ZNF518A: variants seen among roughly 807,000 people sequenced by gnomAD.
ZNF518A encodes the protein zinc finger protein 518.
A neutral mutation model predicts 102.7 loss-of-function variants in ZNF518A; 47 were observed. The observed-to-expected ratio is 0.46, with a 90% CI of 0.36 to 0.58. The LOEUF (loss-of-function observed/expected upper bound fraction) is 0.58, where lower values mean the gene tolerates loss of function less well. Among genes scored for constraint, ZNF518A ranks in the 20% least tolerant of loss-of-function variants. The pLI, the probability that ZNF518A is intolerant of heterozygous loss-of-function variation, is 0.00. For synonymous variants in ZNF518A, 652 were observed against 594.6 expected (o/e 1.10, Z -1.40); for missense variants, 1,793 against 1,699.8 (o/e 1.05, Z -0.96).
Position 96,169,857 on chromosome 10 carries a change from G to A in ZNF518A, n.35+13810G>A, listed in dbSNP as rs1307828916. Among the ~76,000 whole-genome samples, 9 of 152,272 alleles carry A rather than the reference G, an allele frequency of 5.9e-5. No homozygotes were observed. In the East Asian group the frequency reaches 1.7e-3, roughly 29 times the overall value. On this transcript the variant is annotated intron_variant and non_coding_transcript_variant, in intron 1 of 2. Transcript: ENST00000442635. Reference sequence around the variant, plus strand: ...GTACTTGTTGTCTAGTGACTTTTCTGAACTGATTTTGTAATGCTTGTATTC... The same window carrying A: ...GTACTTGTTGTCTAGTGACTTTTCTAAACTGATTTTGTAATGCTTGTATTC...
rs2083304164 is a variant in ZNF518A at position 96,190,036 on chromosome 10, G to A, written n.36-13538G>A. On this transcript the variant is annotated intron_variant and non_coding_transcript_variant, in intron 1 of 2. Transcript: ENST00000442635. ...ACTGCCTTCATAATTCATTGCCTCT[G>A]CTTCAACAATGTGCAGTTCATCCTT... 36 of 808,738 alleles carry A rather than the reference G, an allele frequency of 4.5e-5. No homozygotes were observed. In the South Asian group the frequency reaches 4.8e-4, roughly 11 times the overall value. 50.1% of individuals were successfully genotyped at this position (808,738 alleles called of 1,614,324 possible). A position where few individuals can be genotyped will look rare whatever the true frequency, so the allele number is the denominator to read the frequency against.
At chr10:96,142,064 A>G (rs1190156252) in intron 3 of ZNF518A, among the ~76,000 whole-genome samples, 2 of 152,114 alleles carry the variant, frequency 1.3e-5, no homozygotes, top group Non-Finnish European at 2.9e-5. Context: ...TCTATGCTTA[A>G]GTTGTTCATT....
chr10:96,192,527 C>G (rs79350973), intron 1 of ZNF518A, among the ~76,000 whole-genome samples: 1 of 152,082 alleles, frequency 6.6e-6, no homozygotes, highest in African/African-American at 2.4e-5. Context: ...AAATAGTCAT[C>G]TCCTAAACAA....
At chr10:96,203,795 A>G (rs199750156) in intron 2 of ZNF518A, 1 of 291,098 alleles carries the variant, frequency 3.4e-6, no homozygotes. Flanking sequence ...AAAAAAAAAA[A>G]GTTAAAAAAG....
intron 1 of ZNF518A, among the ~76,000 whole-genome samples, chr10:96,190,598 T>C (rs781976715): frequency 1.3e-5 from 2 of 152,260 alleles, no homozygotes; most frequent in Non-Finnish European, 2.9e-5. Flanking sequence ...CAATTATCTT[T>C]AGAAGTGAGT....
In ZNF518A at chr10:96,200,044, T is replaced by C. The variant is rs1554895708; in HGVS notation, n.36-3530T>C. 1 of 1,340,564 alleles carries C rather than the reference T, an allele frequency of 7.5e-7. No individual in the cohort carries two copies. The highest frequency in any genetic ancestry group is 2.1e-5 in the South Asian group (1 of 46,846). 83.0% of individuals were successfully genotyped at this position (1,340,564 alleles called of 1,614,324 possible). A position where few individuals can be genotyped will look rare whatever the true frequency, so the allele number is the denominator to read the frequency against. On this transcript the variant is annotated intron_variant and non_coding_transcript_variant, in intron 1 of 2. Coordinates refer to the ZNF518A transcript ENST00000442635. The surrounding 1 kb of genome is among the most constrained non-coding windows in gnomAD (Gnocchi z 4.3). Reference sequence around the variant, plus strand: ...AACAAATAAATAAAATAAAATAAAATAAAAATAATAAATAATAAAAATGAT... The same window carrying C: ...AACAAATAAATAAAATAAAATAAAACAAAAATAATAAATAATAAAAATGAT...
chr10:96,135,450 A>G (rs1554874077), intron 3 of ZNF518A, among the ~76,000 whole-genome samples: 1 of 152,238 alleles, frequency 6.6e-6, no homozygotes, highest in East Asian at 1.9e-4. Flanking sequence ...AAAGTTTCAG[A>G]TTGATCATTC....
rs367552805 is a variant in ZNF518A, at chr10:96,157,577, G to C, written c.1255G>C (p.Val419Leu). The part of the protein sequence containing the change: ...NASSGFMKTA[V>L]LGPTLKNVMM... ...TAGTTCAGGTTTCATGAAGACTGCT[G>C]TACTAGGACCTACACTGAAAAATGT... Residue 419 changes from valine (V) to leucine (L), a missense_variant, in exon 6 of 6, where the codon GTA (valine) becomes CTA (leucine). This residue lies in a region of ZNF518A where 1,741 missense variants were observed against 1,622.6 expected (regional missense o/e 1.07). Transcript: ENST00000316045. The C allele has an allele frequency of 1.9e-6, 3 of 1,613,590 alleles. No homozygotes were observed. In the African/African-American group the frequency reaches 4.0e-5, roughly 22 times the overall value.
intron 1 of ZNF518A, chr10:96,192,234 CA>C: frequency 8.3e-7 from 1 of 1,199,306 alleles, no homozygotes. Context: ...TCTAGTTTAA[CA>C]AAGGCTGTAA....
intron 3 of ZNF518A, among the ~76,000 whole-genome samples, chr10:96,151,186 T>C (rs1040402713): frequency 6.6e-6 from 1 of 152,176 alleles, no homozygotes; most frequent in African/African-American, 2.4e-5. Flanking sequence ...TCTTTTTTGT[T>C]GGCATTGTTG....
At chr10:96,189,982 T>A (rs1408644428) in intron 1 of ZNF518A, 3 of 839,954 alleles carry the variant, frequency 3.6e-6, no homozygotes, top group Non-Finnish European at 6.1e-6. Flanking sequence ...GTACAGACAT[T>A]TTCAAAGGTG....
downstream of ZNF518A, among the ~76,000 whole-genome samples, chr10:96,166,210 A>G (rs116536523): frequency 7.5e-3 from 1,141 of 152,272 alleles, 19 homozygotes; most frequent in African/African-American, 0.026. Context: ...CGTCAATCAC[A>G]TTGTGGGCAA....
At chr10:96,204,765 C>T, downstream of ZNF518A, 1 of 709,822 alleles carries the variant, frequency 1.4e-6, no homozygotes, top group Non-Finnish European at 2.5e-6. Flanking sequence ...GATCTGTGCA[C>T]TTGCCAGTCT....
At position 96,158,540 on chromosome 10, in the gene ZNF518A, A is replaced by G. The variant is rs782259391; in HGVS notation, c.2218A>G (p.Asn740Asp). 6.8e-6 allele frequency: 11 copies of G among 1,612,852 alleles called. No individual in the cohort carries two copies. Among genetic ancestry groups the G allele is most frequent in the African/African-American group, 2.7e-5 (2 of 74,886 alleles). ...AAACCTGTACAGTAATGAAAATCAA[A>G]ATTTAGAGTGTGCGACTGAAAAATC... is the stretch of plus-strand genomic sequence containing the variant. ...GQNLYSNENQ[N>D]LECATEKSKW... Residue 740 changes from asparagine (N) to aspartate (D), a missense_variant, in exon 6 of 6, where the codon AAT becomes GAT. Around this residue, in one of 3 missense-constraint regions of ZNF518A, gnomAD observed 1,741 missense variants for 1,622.6 expected, o/e 1.07. Coordinates refer to ENST00000316045, the MANE Select transcript of ZNF518A (RefSeq NM_001330736.2).
Position 96,157,580 on chromosome 10 carries a change from C to G in ZNF518A, c.1258C>G (p.Leu420Val). Residue 420 changes from leucine to valine, a missense_variant, in exon 6 of 6, where the codon CTA (leucine) becomes GTA (valine). Leu to Val is a conservative substitution (Grantham distance 32). Around this residue, in one of 3 missense-constraint regions of ZNF518A, gnomAD observed 1,741 missense variants for 1,622.6 expected, o/e 1.07. Transcript: ENST00000316045. The stretch of plus-strand genomic sequence containing the variant: ...TTCAGGTTTCATGAAGACTGCTGTA[C>G]TAGGACCTACACTGAAAAATGTAAT... ...ASSGFMKTAV[L>V]GPTLKNVMMK... is the part of the protein sequence containing the mutation. 6.2e-7 allele frequency: 1 copy of G among 1,613,850 alleles called. No homozygotes were observed. Among genetic ancestry groups the G allele is most frequent in the Non-Finnish European group, 8.5e-7 (1 of 1,179,788 alleles).
chr10:96,167,113 T>A (rs587714899), downstream of ZNF518A, among the ~76,000 whole-genome samples: 2 of 152,202 alleles, frequency 1.3e-5, no homozygotes, highest in East Asian at 1.9e-4. Context: ...GTAGGAAATA[T>A]AAAGTTTTGA....
At position 96,159,566 on chromosome 10, in the gene ZNF518A, G is replaced by A; in HGVS notation, c.3244G>A (p.Val1082Ile). 2 of 1,613,854 alleles carry A rather than the reference G, an allele frequency of 1.2e-6. No homozygotes were observed. The highest frequency in any genetic ancestry group is 1.7e-6 in the Non-Finnish European group (2 of 1,179,784). The part of the protein sequence containing the change: ...QSTKLNISDS[V>I]KQQNEIFPKP... ...CACTAAGTTGAATATCTCCGATTCA[G>A]TAAAACAGCAGAATGAGATTTTTCC... The change falls in exon 6 of 6, where the codon GTA (valine) becomes ATA (isoleucine). Residue 1082 changes from valine (V) to isoleucine (I), a missense_variant. Physicochemically the swap from Val to Ile is conservative, Grantham distance 29. Transcript: ENST00000316045.
chr10:96,142,531 A>G lies in ZNF518A; in HGVS notation c.-302+8883A>G, dbSNP rs183816832. Among the ~76,000 whole-genome samples the G allele has an allele frequency of 1.3e-4, 20 of 152,314 alleles. No homozygotes were observed. In the East Asian group the frequency reaches 3.7e-3, roughly 28 times the overall value. ...AGTTTTTTATGTGATGAGACAACTT[A>G]GAGAGCTACATGCTGAGTCATGAAT... On this transcript the variant is annotated intron_variant, in intron 3 of 5. Transcript: ENST00000316045.
chr10:96,189,754 A>T, intron 1 of ZNF518A: 1 of 758,690 alleles, frequency 1.3e-6, no homozygotes, highest in Non-Finnish European at 2.4e-6. Flanking sequence ...AGCAAGTTTT[A>T]CTTTTATTCT....
Sources: allele counts gnomAD v4.1 joint callset (sites outside exome capture counted in the v4.1 genomes callset), GRCh38; gene constraint gnomAD v4.1.1; regional missense constraint gnomAD v4.1.1; non-coding constraint Gnocchi (gnomAD v3.1); transcripts MANE v1.5; gene names NCBI Gene and HGNC (gene_info 2026-07-23, HGNC 2026-07-21).